Variants in KCNJ16 observed in about 807,000 individuals in gnomAD.
The protein encoded by KCNJ16 is inward rectifier potassium channel 16.
In KCNJ16, 15 loss-of-function variants were observed where a neutral mutation model predicts 18.5. That is an observed-to-expected ratio of 0.81 (90% CI 0.54 to 1.25). The LOEUF is 1.25. KCNJ16 is among the 50% of genes most tolerant of loss of function. The pLI is 0.00. For missense variants in KCNJ16, 523 were observed against 525.7 expected (o/e 0.99, Z 0.05); for synonymous variants, 174 against 186.5 (o/e 0.93, Z 0.55).
At chr17:70,106,981 G>A (rs568322594) in intron 2 of KCNJ16, among the ~76,000 whole-genome samples, 24 of 152,262 alleles carry the variant, frequency 1.6e-4, no homozygotes, top group Admixed American at 1.4e-3. Context: ...GCTTTTTCCT[G>A]ATGGTTTCTT....
chr17:70,092,835 A>C (rs2072186704), intron 1 of KCNJ16, among the ~76,000 whole-genome samples: 1 of 152,174 alleles, frequency 6.6e-6, no homozygotes, highest in Non-Finnish European at 1.5e-5. Context: ...CCATCTCCAG[A>C]AAAAGGAAAA....
chr17:70,127,614 G>A (rs1164275968), intron 2 of KCNJ16, among the ~76,000 whole-genome samples: 1 of 151,498 alleles, frequency 6.6e-6, no homozygotes, highest in African/African-American at 2.4e-5. Context: ...ATCTACCCTG[G>A]GTCCCATCCT....
At chr17:70,079,403 T>C (rs1383691823) in intron 1 of KCNJ16, among the ~76,000 whole-genome samples, 1 of 152,198 alleles carries the variant, frequency 6.6e-6, no homozygotes, top group East Asian at 1.9e-4. Context: ...TCACATCTAA[T>C]ATGTATCTTC....
At chr17:70,104,148 T>C (rs1225013304) in intron 2 of KCNJ16, among the ~76,000 whole-genome samples, 1 of 152,010 alleles carries the variant, frequency 6.6e-6, no homozygotes, top group East Asian at 1.9e-4. Flanking sequence ...TTATTTTTAG[T>C]AGAGATGAGG....
chr17:70,081,785 C>T (rs2108440), intron 1 of KCNJ16, among the ~76,000 whole-genome samples: 1 of 152,082 alleles, frequency 6.6e-6, no homozygotes, highest in Admixed American at 6.6e-5. Flanking sequence ...TGAGATGTTA[C>T]TTGTTAAGAG....
intron 1 of KCNJ16, among the ~76,000 whole-genome samples, chr17:70,085,207 C>A (rs539167960): frequency 6.6e-6 from 1 of 152,328 alleles, no homozygotes; most frequent in Non-Finnish European, 1.5e-5. Context: ...ACACAATTTT[C>A]ACCTGCCAAT....
chr17:70,092,527 T>TAGATAGATAGATAC (rs1567782394), intron 1 of KCNJ16, among the ~76,000 whole-genome samples: 1 of 60,264 alleles, frequency 1.7e-5, no homozygotes, highest in African/African-American at 8.6e-5. Flanking sequence ...GATAGATACA[T>TAGATAGATAGATAC]AGACAGATAG....
At chr17:70,121,683 A>C (rs2073645000) in intron 2 of KCNJ16, among the ~76,000 whole-genome samples, 1 of 152,270 alleles carries the variant, frequency 6.6e-6, no homozygotes, top group Non-Finnish European at 1.5e-5. Context: ...TAATCCGAGC[A>C]CTTTGGGAGG....
chr17:70,133,370 C>T lies in KCNJ16; in HGVS notation c.*26C>T. ...TCCTAAATTGCAATTATGAGGGCTA[C>T]CACTGAATCATTTTATCTTTCAGCC... On this transcript the variant is annotated 3_prime_UTR_variant, in exon 4 of 4. Transcript: ENST00000392671. 4 of 1,569,496 alleles carry T rather than the reference C, an allele frequency of 2.5e-6. No individual in the cohort carries two copies. Among genetic ancestry groups the T allele is most frequent in the Non-Finnish European group, 3.5e-6 (4 of 1,153,686 alleles).
At chr17:70,100,930 A>G (rs1598121957) in intron 2 of KCNJ16, 164 bp downstream of exon 2, 1 of 152,364 alleles carries the variant, frequency 6.6e-6, no homozygotes, top group East Asian at 1.9e-4. Flanking sequence ...ATTCGGTGTT[A>G]CAAACATTGC....
intron 1 of KCNJ16, among the ~76,000 whole-genome samples, chr17:70,089,584 CAT>C (rs1386293506): frequency 6.6e-6 from 1 of 152,128 alleles, no homozygotes; most frequent in East Asian, 1.9e-4. Context: ...GTTACTGAAG[CAT>C]AAAACTACAG....
intron 2 of KCNJ16, among the ~76,000 whole-genome samples, chr17:70,116,512 C>T (rs2073412667): frequency 6.6e-6 from 1 of 152,138 alleles, no homozygotes. Context: ...TAGCTTACCT[C>T]CAGAAATAGT....
intron 2 of KCNJ16, among the ~76,000 whole-genome samples, chr17:70,125,451 C>G (rs1264012388): frequency 1.3e-5 from 2 of 152,044 alleles, no homozygotes. Context: ...AGTGTCCTGC[C>G]AGTGGAGCAC....
intron 2 of KCNJ16, chr17:70,128,095 G>T (rs1051881582): frequency 6.6e-6 from 1 of 152,190 alleles, no homozygotes; most frequent in African/African-American, 2.4e-5. Context: ...TTTGAGAGGA[G>T]GTGGCAAAAT....
At position 70,132,157 on chromosome 17, in the gene KCNJ16, C is replaced by T. The variant is rs1324159033; in HGVS notation, c.70C>T (p.His24Tyr). ...DAKYPGYPPE[H>Y]IIAEKRRARR... ...AAAATACCCAGGCTACCCGCCAGAGCACATTATAGCTGAGAAGAGAAGAGC... is the reference window on the plus strand; with the variant it reads ...AAAATACCCAGGCTACCCGCCAGAGTACATTATAGCTGAGAAGAGAAGAGC... The change falls in exon 4 of 4, where the codon CAC (histidine) becomes TAC (tyrosine). Residue 24 changes from histidine (H) to tyrosine (Y), a missense_variant. Transcript: ENST00000392671. 6.2e-7 allele frequency: 1 copy of T among 1,614,150 alleles called. No individual in the cohort carries two copies. The highest frequency in any genetic ancestry group is 1.1e-5 in the South Asian group (1 of 91,074).
At chr17:70,127,427 T>TA (rs770854324) in intron 2 of KCNJ16, among the ~76,000 whole-genome samples, 34 of 146,192 alleles carry the variant, frequency 2.3e-4, no homozygotes, top group Non-Finnish European at 3.7e-4. Context: ...GGCTCCTGCA[T>TA]AATTCTACGG....
At position 70,133,030 on chromosome 17, in the gene KCNJ16, G is replaced by A; in HGVS notation, c.943G>A (p.Glu315Lys). 1 of 1,614,106 alleles carries A rather than the reference G, an allele frequency of 6.2e-7. No individual in the cohort carries two copies. Among genetic ancestry groups the A allele is most frequent in the Non-Finnish European group, 8.5e-7 (1 of 1,180,016 alleles). The change falls in exon 4 of 4, where the codon GAA (glutamate) becomes AAA (lysine). Residue 315 changes from glutamate to lysine, a missense_variant. Transcript: ENST00000392671. The stretch of plus-strand genomic sequence containing the variant: ...GGGCCATAGGTTTAATGATGTCTTG[G>A]AAGTTAAGAGGAAGTATTACAAAGT... ...LWGHRFNDVL[E>K]VKRKYYKVNC...
chr17:70,094,929 G>T (rs1280228723), intron 1 of KCNJ16, among the ~76,000 whole-genome samples: 1 of 152,156 alleles, frequency 6.6e-6, no homozygotes, highest in African/African-American at 2.4e-5. Context: ...CTGAGCATTT[G>T]TCACAGTAGG....
chr17:70,131,891 C>T (rs1276863668), intron 3 of KCNJ16, 104 bp from the exon 4 acceptor site: 10 of 950,262 alleles, frequency 1.1e-5, no homozygotes, highest in Admixed American at 2.8e-5. Flanking sequence ...CAGATGAAGT[C>T]GTAGCTATTT....
Sources: gnomAD v4.1 joint callset for allele counts (sites outside exome capture counted in the v4.1 genomes callset) on GRCh38, gnomAD v4.1.1 for gene constraint, MANE v1.5 for transcripts, NCBI Gene and HGNC (gene_info 2026-07-23, HGNC 2026-07-21) for gene names.